Variants in HTR4 observed in about 807,000 individuals in gnomAD.
HTR4 encodes 5-hydroxytryptamine receptor 4.
Under a neutral mutation model 36.8 loss-of-function variants are expected in HTR4, and 16 were observed. The ratio of observed to expected loss-of-function variants is 0.43; its 90% confidence interval spans 0.29 to 0.66. HTR4 has a LOEUF of 0.66. Ranked by LOEUF, HTR4 falls within the 30% of genes least tolerant of loss-of-function variation. HTR4 has a pLI of 0.13. For synonymous variants in HTR4, 189 were observed against 185.1 expected (o/e 1.02, Z -0.17); for missense variants, 438 against 490.9 (o/e 0.89, Z 1.02).
chr5:148,527,736 C>T (rs900656557), intron 4 of HTR4, among the ~76,000 whole-genome samples: 7 of 152,150 alleles, frequency 4.6e-5, no homozygotes, highest in African/African-American at 1.4e-4. Flanking sequence ...TGCCTAGCTT[C>T]CTGAGTAGCT....
chr5:148,573,908 A>G (rs190504922), intron 2 of HTR4, among the ~76,000 whole-genome samples: 2 of 152,112 alleles, frequency 1.3e-5, no homozygotes, highest in Admixed American at 1.3e-4. Context: ...GTCTCTTACC[A>G]CTCTGAAATA....
intron 2 of HTR4, among the ~76,000 whole-genome samples, chr5:148,598,012 G>A (rs953057152): frequency 1.3e-5 from 2 of 152,212 alleles, no homozygotes; most frequent in African/African-American, 2.4e-5. Flanking sequence ...TTTATGAAAA[G>A]GGAGGCAAAA....
At chr5:148,544,937 G>T (rs1759316156) in intron 4 of HTR4, among the ~76,000 whole-genome samples, 1 of 152,228 alleles carries the variant, frequency 6.6e-6, no homozygotes, top group Admixed American at 6.5e-5. Flanking sequence ...GAAGGACATG[G>T]CATACTGCCG....
chr5:148,479,009 T>A, downstream of HTR4, among the ~76,000 whole-genome samples: 1 of 152,074 alleles, frequency 6.6e-6, no homozygotes, highest in East Asian at 1.9e-4. Context: ...CCTCCAGTTT[T>A]TTTTTTCTAA....
At chr5:148,465,856 C>G in intron 5 of HTR4, 1 of 1,611,382 alleles carries the variant, frequency 6.2e-7, no homozygotes, top group Non-Finnish European at 8.5e-7. Context: ...TTACAGAGCA[C>G]TTTCAGAGTT....
chr5:148,531,260 G>A (rs554847718), intron 4 of HTR4, among the ~76,000 whole-genome samples: 93 of 152,216 alleles, frequency 6.1e-4, no homozygotes, highest in Middle Eastern at 3.4e-3. Context: ...CCCAAACCTC[G>A]TATTGCGGCT....
At chr5:148,490,342 C>T (rs916551879) in intron 6 of HTR4, among the ~76,000 whole-genome samples, 7 of 151,880 alleles carry the variant, frequency 4.6e-5, no homozygotes, top group Non-Finnish European at 1.0e-4. Context: ...ACATTTTCTA[C>T]CAACCCCAGA....
At chr5:148,639,756 C>A (rs1009369824) in intron 1 of HTR4, among the ~76,000 whole-genome samples, 1 of 151,266 alleles carries the variant, frequency 6.6e-6, no homozygotes, top group Non-Finnish European at 1.5e-5. Flanking sequence ...TCGAGAAATG[C>A]CTGGTATATT....
intron 5 of HTR4, among the ~76,000 whole-genome samples, chr5:148,468,307 TG>T (rs1168379568): frequency 2.6e-5 from 4 of 152,230 alleles, no homozygotes; most frequent in Admixed American, 6.5e-5. Context: ...TTCAAACACC[TG>T]GATAGCTCCC....
intron 1 of HTR4, among the ~76,000 whole-genome samples, chr5:148,640,956 G>A (rs1333616855): frequency 6.6e-6 from 1 of 152,192 alleles, no homozygotes; most frequent in African/African-American, 2.4e-5. Flanking sequence ...ACAAACCAGT[G>A]AGATAGCATG....
At chr5:148,471,632 C>T (rs1755569790) in intron 5 of HTR4, among the ~76,000 whole-genome samples, 1 of 152,184 alleles carries the variant, frequency 6.6e-6, no homozygotes, top group South Asian at 2.1e-4. Context: ...AAATACATCA[C>T]TAACCACAGG....
intron 1 of HTR4, among the ~76,000 whole-genome samples, chr5:148,643,904 C>T (rs1358775312): frequency 6.6e-6 from 1 of 152,110 alleles, no homozygotes; most frequent in Non-Finnish European, 1.5e-5. Context: ...GGGAAAGAAA[C>T]AAATCTTGGA....
In HTR4 at chr5:148,550,181, C is replaced by T; in HGVS notation, c.108G>A (p.Gly36=). 1 of 1,614,132 alleles carries T rather than the reference C, an allele frequency of 6.2e-7. No homozygotes were observed. Among genetic ancestry groups the T allele is most frequent in the East Asian group, 2.2e-5 (1 of 44,884 alleles). The change falls in exon 3 of 7, where the codon GGG becomes GGA. Residue 36 remains glycine, a synonymous_variant. Transcript: ENST00000377888. ...LSTVILMAIL[G]NLLVMVAVCW... Reference sequence around the variant, plus strand: ...ACACAGCCACCATCACCAGCAGGTTCCCCAAGATGGCCATCAGGATAACCG... The same window carrying T: ...ACACAGCCACCATCACCAGCAGGTTTCCCAAGATGGCCATCAGGATAACCG...
intron 4 of HTR4, among the ~76,000 whole-genome samples, chr5:148,542,808 C>T (rs1759186309): frequency 1.3e-5 from 2 of 152,126 alleles, no homozygotes; most frequent in South Asian, 4.1e-4. Flanking sequence ...GGATGATATA[C>T]CTCTGTTTTG....
chr5:148,626,580 C>T (rs1259440004), intron 2 of HTR4, among the ~76,000 whole-genome samples: 5 of 152,210 alleles, frequency 3.3e-5, no homozygotes, highest in Non-Finnish European at 7.3e-5. Flanking sequence ...GATTTGCTCT[C>T]ATAAGCTTCC....
At chr5:148,480,376 T>C (rs73266460), downstream of HTR4, among the ~76,000 whole-genome samples, 3,587 of 152,226 alleles carry the variant, frequency 0.024, 153 homozygotes, top group African/African-American at 0.083. Flanking sequence ...TCCTAGAATT[T>C]TATTTATTTG....
intron 4 of HTR4, among the ~76,000 whole-genome samples, chr5:148,532,308 C>T (rs1461530196): frequency 4.6e-5 from 7 of 152,138 alleles, no homozygotes; most frequent in Admixed American, 2.6e-4. Flanking sequence ...GTGGGAAAAC[C>T]GTCCCCCAAC....
chr5:148,533,713 G>A (rs1182042993), intron 4 of HTR4, among the ~76,000 whole-genome samples: 1 of 152,146 alleles, frequency 6.6e-6, no homozygotes. Flanking sequence ...TAGCTCTGTG[G>A]TCTTAGAATC....
chr5:148,481,842 A>G lies in HTR4; in HGVS notation c.*1361T>C. On this transcript the variant is annotated 3_prime_UTR_variant, in exon 7 of 7. Coordinates refer to ENST00000377888, the MANE Select transcript of HTR4 (RefSeq NM_000870.7). ...ACTCAGCTTTGAATAAAAGACATCCAGATTAATCTGAAGGACAAAGCTGGA... is the reference window on the plus strand; with the variant it reads ...ACTCAGCTTTGAATAAAAGACATCCGGATTAATCTGAAGGACAAAGCTGGA... 1 of 1,308,172 alleles carries G rather than the reference A, an allele frequency of 7.6e-7. No individual in the cohort carries two copies. Among genetic ancestry groups the G allele is most frequent in the Non-Finnish European group, 9.7e-7 (1 of 1,034,164 alleles). 81.0% of individuals were successfully genotyped at this position (1,308,172 alleles called of 1,614,324 possible).
Sources: allele counts gnomAD v4.1 joint callset (sites outside exome capture counted in the v4.1 genomes callset), GRCh38; gene constraint gnomAD v4.1.1; transcripts MANE v1.5; gene names NCBI Gene and HGNC (gene_info 2026-07-23, HGNC 2026-07-21).